Variants in NOS1AP observed in about 807,000 individuals in gnomAD.
The protein encoded by NOS1AP is carboxyl-terminal PDZ ligand of neuronal nitric oxide synthase protein.
NOS1AP carries 21 observed loss-of-function variants against 56.2 expected under a neutral mutation model. The observed-to-expected ratio is 0.37, with a 90% CI of 0.26 to 0.54. NOS1AP has a LOEUF of 0.54. Among genes scored for constraint, NOS1AP ranks in the 20% least tolerant of loss-of-function variants. The pLI, the probability that NOS1AP is intolerant of heterozygous loss-of-function variation, is 0.84. For synonymous variants in NOS1AP, 270 were observed against 274.6 expected (o/e 0.98, Z 0.17); for missense variants, 522 against 657.8 (o/e 0.79, Z 2.26).
intron 4 of NOS1AP, among the ~76,000 whole-genome samples, chr1:162,306,628 G>A (rs377315380): frequency 2.6e-5 from 4 of 152,282 alleles, no homozygotes; most frequent in East Asian, 3.9e-4. Flanking sequence ...TTTTTGCTAA[G>A]TGCAGCTTTA....
At chr1:162,264,402 C>CCTCCTCTCTTCTCTTCTCTT (rs576845993) in intron 2 of NOS1AP, among the ~76,000 whole-genome samples, 4 of 44,874 alleles carry the variant, frequency 8.9e-5, no homozygotes, top group Non-Finnish European at 1.8e-4. Flanking sequence ...TTTGCCCTCT[C>CCTCCTCTCTTCTCTTCTCTT]CTCTTCTCTT....
At chr1:162,281,434 A>G (rs146531930) in intron 2 of NOS1AP, among the ~76,000 whole-genome samples, 24 of 152,280 alleles carry the variant, frequency 1.6e-4, no homozygotes, top group African/African-American at 5.5e-4. Flanking sequence ...GCTCTCATGA[A>G]GGGTATGGCC....
chr1:162,146,238 T>C (rs1649461586), intron 1 of NOS1AP, among the ~76,000 whole-genome samples: 1 of 152,196 alleles, frequency 6.6e-6, no homozygotes, highest in African/African-American at 2.4e-5. Context: ...AAGCATGTTT[T>C]CTTGTTCTTA....
At position 162,269,562 on chromosome 1, in the gene NOS1AP, A is replaced by G. The variant is rs139250404; in HGVS notation, c.178-17782A>G. Among the ~76,000 whole-genome samples the G allele has an allele frequency of 1.0e-3, 157 of 152,368 alleles. 1 individual carries two copies. Among genetic ancestry groups the G allele is most frequent in the African/African-American group, 3.7e-3 (154 of 41,576 alleles). On this transcript the variant is annotated intron_variant, in intron 2 of 9. Coordinates refer to ENST00000361897, the MANE Select transcript of NOS1AP (RefSeq NM_014697.3). ...CAGGAAAGGGTTGGAGAAAATTAAA[A>G]GGAACTCAGTTCATTTTTGCCTGGA...
At chr1:162,265,782 T>C (rs903774631) in intron 2 of NOS1AP, among the ~76,000 whole-genome samples, 1 of 152,182 alleles carries the variant, frequency 6.6e-6, no homozygotes, top group Non-Finnish European at 1.5e-5. Context: ...ACTATATTAC[T>C]GTTAGGCTCA....
At chr1:162,340,341 A>T (rs542211486) in intron 5 of NOS1AP, among the ~76,000 whole-genome samples, 4 of 152,338 alleles carry the variant, frequency 2.6e-5, no homozygotes, top group African/African-American at 9.6e-5. Flanking sequence ...CAGACCAAAG[A>T]TCCATTTGGC....
At chr1:162,206,721 C>A (rs1366930138) in intron 2 of NOS1AP, among the ~76,000 whole-genome samples, 1 of 152,138 alleles carries the variant, frequency 6.6e-6, no homozygotes, top group Non-Finnish European at 1.5e-5. Context: ...GCAAAGGGGC[C>A]ATGCAGTGTG....
intron 4 of NOS1AP, among the ~76,000 whole-genome samples, chr1:162,322,466 C>T (rs1166126459): frequency 6.6e-6 from 1 of 152,202 alleles, no homozygotes; most frequent in African/African-American, 2.4e-5. Flanking sequence ...GGACTCCTCA[C>T]ATGCTGAGCA....
intron 1 of NOS1AP, among the ~76,000 whole-genome samples, chr1:162,152,892 A>G (rs1043017794): frequency 1.2e-4 from 18 of 152,156 alleles, no homozygotes; most frequent in Non-Finnish European, 2.2e-4. Flanking sequence ...TCTTAATGGA[A>G]TCTTTGCTTG....
intron 2 of NOS1AP, among the ~76,000 whole-genome samples, chr1:162,208,062 G>A (rs1183002068): frequency 6.6e-6 from 1 of 152,162 alleles, no homozygotes; most frequent in African/African-American, 2.4e-5. Context: ...CTGCCAGCTG[G>A]CTATGATGCG....
chr1:162,149,043 A>G (rs1449259822), intron 1 of NOS1AP, among the ~76,000 whole-genome samples: 3 of 152,166 alleles, frequency 2.0e-5, no homozygotes, highest in Admixed American at 6.5e-5. Context: ...GACATGGGAG[A>G]AGGAGGGGAA....
At chr1:162,178,202 A>T (rs1416550688) in intron 2 of NOS1AP, among the ~76,000 whole-genome samples, 2 of 152,168 alleles carry the variant, frequency 1.3e-5, no homozygotes, top group Non-Finnish European at 2.9e-5. Flanking sequence ...AGTGCTGATT[A>T]ATATGCCATT....
At position 162,261,538 on chromosome 1, in the gene NOS1AP, GA is replaced by G. The variant is rs11475107; in HGVS notation, c.178-25805del. Reference sequence around the variant, plus strand: ...AGAGAGAGAGAGAGAGAGAGAGAGAGAGAGAGAGCAATGAAATGACTGGAAC... The same window carrying G: ...AGAGAGAGAGAGAGAGAGAGAGAGAGGAGAGAGCAATGAAATGACTGGAAC... On this transcript the variant is annotated intron_variant, in intron 2 of 9. Transcript: ENST00000361897. 2.3e-3 allele frequency among the ~76,000 whole-genome samples: 22 copies of G among 9,454 alleles called. 8 individuals are homozygous for G. Among genetic ancestry groups the G allele is most frequent in the Non-Finnish European group, 9.5e-3 (17 of 1,792 alleles). 6.2% of individuals were successfully genotyped at this position (9,454 alleles called of 152,430 possible).
At chr1:162,190,943 A>T (rs1426918686) in intron 2 of NOS1AP, among the ~76,000 whole-genome samples, 3 of 152,196 alleles carry the variant, frequency 2.0e-5, no homozygotes, top group Admixed American at 1.3e-4. Context: ...TGGAAGAGGG[A>T]TGAGATGCTA....
intron 2 of NOS1AP, among the ~76,000 whole-genome samples, chr1:162,259,376 A>C (rs1654135994): frequency 6.6e-6 from 1 of 152,252 alleles, no homozygotes; most frequent in Non-Finnish European, 1.5e-5. Flanking sequence ...TCATATTTGT[A>C]TAAATAATAT....
chr1:162,370,319 C>T lies in NOS1AP; in HGVS notation c.*2852C>T, dbSNP rs1023283651. 2.6e-5 allele frequency: 4 copies of T among 152,206 alleles called. No homozygotes were observed. The highest frequency in any genetic ancestry group is 5.9e-5 in the Non-Finnish European group (4 of 68,062). The allele number at this position is 152,206 out of a possible 1,614,324, so 9.4% of individuals were successfully genotyped here. A position where few individuals can be genotyped will look rare whatever the true frequency, so the allele number is the denominator to read the frequency against. Reference sequence around the variant, plus strand: ...CTTTGCTTGACTGCTTCCTCCTAACCCTCTACCCACTAGCACTCTACTTCC... The same window carrying T: ...CTTTGCTTGACTGCTTCCTCCTAACTCTCTACCCACTAGCACTCTACTTCC... On this transcript the variant is annotated 3_prime_UTR_variant, in exon 10 of 10. Transcript: ENST00000361897.
At chr1:162,170,889 A>G (rs1296707003) in intron 2 of NOS1AP, among the ~76,000 whole-genome samples, 1 of 151,818 alleles carries the variant, frequency 6.6e-6, no homozygotes, top group Non-Finnish European at 1.5e-5. Context: ...CAGTGAGCTG[A>G]GATTGTGCCA....
At chr1:162,331,861 G>C (rs1455661490) in intron 4 of NOS1AP, among the ~76,000 whole-genome samples, 2 of 152,198 alleles carry the variant, frequency 1.3e-5, no homozygotes, top group African/African-American at 4.8e-5. Flanking sequence ...GCCATCTTAA[G>C]ATGCAGCCTC....
intron 3 of NOS1AP, 141 bp downstream of exon 3, chr1:162,287,577 C>T (rs1655128004): frequency 1.4e-6 from 1 of 719,488 alleles, no homozygotes; most frequent in Admixed American, 2.0e-5. Flanking sequence ...AGCAATGGTG[C>T]TGACAGGCTG....
Sources: gnomAD v4.1 joint callset for allele counts (sites outside exome capture counted in the v4.1 genomes callset) on GRCh38, gnomAD v4.1.1 for gene constraint, MANE v1.5 for transcripts, NCBI Gene and HGNC (gene_info 2026-07-23, HGNC 2026-07-21) for gene names.